DIPK1A: variants seen among roughly 807,000 people sequenced by gnomAD.
DIPK1A encodes divergent protein kinase domain 1A.
Under a neutral mutation model 40.8 loss-of-function variants are expected in DIPK1A, and 27 were observed. The ratio of observed to expected loss-of-function variants is 0.66; its 90% CI spans 0.49 to 0.91. The LOEUF (loss-of-function observed/expected upper bound fraction) is 0.91. Ranked by LOEUF, DIPK1A falls within the 40% of genes least tolerant of loss-of-function variation. DIPK1A has a pLI of 0.00. For synonymous variants in DIPK1A, 166 were observed against 171.3 expected (o/e 0.97, Z 0.24); for missense variants, 412 against 505.7 (o/e 0.81, Z 1.78).
chr1:92,836,048 A>G, intron 4 of DIPK1A: 1 of 729,564 alleles, frequency 1.4e-6, no homozygotes, highest in Non-Finnish European at 2.5e-6. Flanking sequence ...TTCATGAGCA[A>G]GTGGATCTGG....
intron 1 of DIPK1A, among the ~76,000 whole-genome samples, chr1:92,914,193 T>C (rs1649951333): frequency 6.6e-6 from 1 of 150,930 alleles, no homozygotes; most frequent in Non-Finnish European, 1.5e-5. Context: ...ACATACTAGA[T>C]TATCAGTAGA....
intron 1 of DIPK1A, among the ~76,000 whole-genome samples, chr1:92,937,789 T>C (rs1439715978): frequency 2.0e-5 from 3 of 152,040 alleles, no homozygotes; most frequent in African/African-American, 7.2e-5. Flanking sequence ...TCAATATTCA[T>C]GTTATACTTT....
At chr1:92,909,316 T>C (rs1230934025) in intron 1 of DIPK1A, among the ~76,000 whole-genome samples, 1 of 152,178 alleles carries the variant, frequency 6.6e-6, no homozygotes, top group Admixed American at 6.5e-5. Flanking sequence ...CAAAATGCTA[T>C]GTGCTTTGTG....
At chr1:92,833,238 C>T (rs1169945319) in intron 4 of DIPK1A, 6 of 686,458 alleles carry the variant, frequency 8.7e-6, no homozygotes, top group African/African-American at 3.6e-5. Flanking sequence ...AGATTCTTGA[C>T]CCTAGTTGCT....
intron 1 of DIPK1A, among the ~76,000 whole-genome samples, chr1:92,960,333 C>CT (rs1312952169): frequency 1.3e-5 from 2 of 152,160 alleles, no homozygotes; most frequent in African/African-American, 4.8e-5. Flanking sequence ...ACCTTCTCAA[C>CT]TTTTTTCATA....
chr1:92,909,290 C>G (rs6656130), intron 1 of DIPK1A, among the ~76,000 whole-genome samples: 1 of 151,950 alleles, frequency 6.6e-6, no homozygotes, highest in African/African-American at 2.4e-5. Flanking sequence ...CACAAAATAC[C>G]AACTTATATA....
At chr1:92,902,553 T>C (rs1232808029) in intron 1 of DIPK1A, among the ~76,000 whole-genome samples, 1 of 152,152 alleles carries the variant, frequency 6.6e-6, no homozygotes, top group East Asian at 1.9e-4. Flanking sequence ...ACCATAGCTA[T>C]GTGGACTCTA....
intron 1 of DIPK1A, among the ~76,000 whole-genome samples, chr1:92,936,140 C>T (rs1400039552): frequency 2.0e-5 from 3 of 152,030 alleles, no homozygotes; most frequent in Non-Finnish European, 2.9e-5. Flanking sequence ...TCACAGGAAA[C>T]ATCATCTCTA....
chr1:92,852,116 A>G (rs1012649502), intron 2 of DIPK1A, among the ~76,000 whole-genome samples: 1 of 152,190 alleles, frequency 6.6e-6, no homozygotes, highest in African/African-American at 2.4e-5. Flanking sequence ...AGTAATGAGT[A>G]ATAATCAAAA....
intron 4 of DIPK1A, chr1:92,834,985 T>A: frequency 6.3e-7 from 1 of 1,589,836 alleles, no homozygotes; most frequent in East Asian, 2.2e-5. Flanking sequence ...AAGATGTTTG[T>A]ACATGGATAA....
chr1:92,834,359 C>T (rs949176359), intron 4 of DIPK1A, among the ~76,000 whole-genome samples: 4 of 152,204 alleles, frequency 2.6e-5, no homozygotes, highest in African/African-American at 4.8e-5. Context: ...GTACTAAGAG[C>T]ATTCTCACTG....
downstream of DIPK1A, chr1:92,841,996 G>GTT (rs1448850290): frequency 2.5e-5 from 21 of 845,930 alleles, 1 homozygote; most frequent in African/African-American, 3.7e-4. Context: ...AAGCAAAGGA[G>GTT]TTGACAGGTT....
intron 1 of DIPK1A, among the ~76,000 whole-genome samples, chr1:92,892,396 G>A (rs1197800604): frequency 6.6e-6 from 1 of 152,070 alleles, no homozygotes; most frequent in African/African-American, 2.4e-5. Context: ...CCCAGGGTCT[G>A]GAGTGGACCT....
At chr1:92,944,226 A>C (rs1032997454) in intron 1 of DIPK1A, among the ~76,000 whole-genome samples, 2 of 152,132 alleles carry the variant, frequency 1.3e-5, no homozygotes, top group Admixed American at 1.3e-4. Flanking sequence ...ATAAAGAACC[A>C]ATCCAATAGC....
At chr1:92,922,215 T>C (rs981330705) in intron 1 of DIPK1A, among the ~76,000 whole-genome samples, 2 of 152,140 alleles carry the variant, frequency 1.3e-5, no homozygotes, top group African/African-American at 4.8e-5. Context: ...TATAGTTTTA[T>C]TGAAAAATAC....
At chr1:92,890,870 G>A (rs768876370) in intron 1 of DIPK1A, among the ~76,000 whole-genome samples, 1 of 152,090 alleles carries the variant, frequency 6.6e-6, no homozygotes, top group Non-Finnish European at 1.5e-5. Flanking sequence ...AGTTTTCTGG[G>A]AGAGTTTGAG....
Position 92,895,422 on chromosome 1 carries a change from G to C in DIPK1A, c.55-18992C>G, listed in dbSNP as rs1030356112. ...CAAAAACCACATGATTATCTCAATAGATGCAGAAAAGGCCTTTGACAAAAT... is the reference window on the plus strand; with the variant it reads ...CAAAAACCACATGATTATCTCAATACATGCAGAAAAGGCCTTTGACAAAAT... On this transcript the variant is annotated intron_variant, in intron 1 of 4. Transcript: ENST00000370310. Among the ~76,000 whole-genome samples, 53 of 152,134 alleles carry C rather than the reference G, an allele frequency of 3.5e-4. 1 individual carries two copies. The highest frequency in any genetic ancestry group is 1.3e-3 in the African/African-American group (52 of 41,456).
At position 92,947,796 on chromosome 1, in the gene DIPK1A, G is replaced by A. The variant is rs1213388238; in HGVS notation, c.54+13580C>T. Among the ~76,000 whole-genome samples the A allele has an allele frequency of 5.3e-5, 8 of 152,152 alleles. No individual in the cohort carries two copies. The South Asian group carries it at 1.0e-3, about 20-fold the overall frequency. ...GTATGTTAAGTGAAACAAGCCAGGC[G>A]CAGCAAGATAAATACCACATGTTTT... is the stretch of plus-strand genomic sequence containing the variant. On this transcript the variant is annotated intron_variant, in intron 1 of 4. Coordinates refer to ENST00000370310, the MANE Select transcript of DIPK1A (RefSeq NM_001006605.5).
chr1:92,851,404 G>A (rs993481740), intron 2 of DIPK1A, among the ~76,000 whole-genome samples: 7 of 151,736 alleles, frequency 4.6e-5, no homozygotes, highest in Non-Finnish European at 7.4e-5. Flanking sequence ...TGAGCCAGGC[G>A]TGGTGGCGGG....
Sources: gnomAD v4.1 joint callset for allele counts (sites outside exome capture counted in the v4.1 genomes callset) on GRCh38, gnomAD v4.1.1 for gene constraint, MANE v1.5 for transcripts, NCBI Gene and HGNC (gene_info 2026-07-23, HGNC 2026-07-21) for gene names.